Variants in GTF2E1 observed in about 807,000 individuals in gnomAD.
GTF2E1 encodes the protein TFIIE alpha subunit.
In GTF2E1, 14 loss-of-function variants were observed where a neutral mutation model predicts 34.9. That is an observed-to-expected ratio of 0.40 (90% confidence interval 0.27 to 0.63). The LOEUF is 0.63. Among genes scored for constraint, GTF2E1 ranks in the 20% least tolerant of loss-of-function variants. The probability of loss-of-function intolerance (pLI) is 0.39; values close to 1 mark genes in which losing one functional copy is unlikely to be tolerated. For missense variants in GTF2E1, 469 were observed against 557.7 expected, an observed-to-expected ratio of 0.84 and a Z score of 1.60; for synonymous variants, 188 against 192.9, an observed-to-expected ratio of 0.97 and a Z score of 0.21.
chr3:120,770,765 A>G lies in GTF2E1; in HGVS notation c.486A>G (p.Glu162=), dbSNP rs756037104. The change falls in exon 3 of 5, where the codon GAA becomes GAG. Residue 162 remains glutamate, a synonymous_variant. Transcript: ENST00000283875. ...FRCTFCHTEV[E]EDESAMPKKD... Reference sequence around the variant, plus strand: ...GTACTTTTTGCCATACAGAGGTAGAAGAGGATGAATCAGCAATGCCCAAAA... The same window carrying G: ...GTACTTTTTGCCATACAGAGGTAGAGGAGGATGAATCAGCAATGCCCAAAA... 1.9e-6 allele frequency: 3 copies of G among 1,613,668 alleles called. No homozygotes were observed. Among genetic ancestry groups the G allele is most frequent in the African/African-American group, 2.7e-5 (2 of 75,008 alleles).
intron 1 of GTF2E1, among the ~76,000 whole-genome samples, chr3:120,744,045 A>G (rs1049628921): frequency 1.3e-5 from 2 of 151,796 alleles, no homozygotes; most frequent in African/African-American, 2.4e-5. Flanking sequence ...GACCAGCCAT[A>G]CTCCTTCCCT....
intron 3 of GTF2E1, among the ~76,000 whole-genome samples, chr3:120,774,286 G>A (rs1221164824): frequency 6.6e-6 from 1 of 152,170 alleles, no homozygotes; most frequent in Non-Finnish European, 1.5e-5. Flanking sequence ...AGGAGTCAGA[G>A]AGACAAATGG....
At chr3:120,758,086 G>T (rs566401045) in intron 2 of GTF2E1, among the ~76,000 whole-genome samples, 10 of 152,234 alleles carry the variant, frequency 6.6e-5, no homozygotes, top group Admixed American at 5.2e-4. Flanking sequence ...CTTGAACCTC[G>T]GAGGCAGAGG....
intron 3 of GTF2E1, 54 bp downstream of exon 3, chr3:120,770,983 T>A (rs1709346306): frequency 7.1e-7 from 1 of 1,402,130 alleles, no homozygotes; most frequent in Non-Finnish European, 1.0e-6. Flanking sequence ...TGTTCTTGTT[T>A]TAACTACCTG....
chr3:120,746,598 A>T (rs957060418), intron 1 of GTF2E1, among the ~76,000 whole-genome samples: 1 of 152,046 alleles, frequency 6.6e-6, no homozygotes, highest in African/African-American at 2.4e-5. Flanking sequence ...CAGAAGTTCG[A>T]GACCAGCCTG....
rs186444035 is a variant in GTF2E1 at position 120,750,575 on chromosome 3, C to T, written c.23C>T (p.Thr8Ile). 6.8e-6 allele frequency: 11 copies of T among 1,611,748 alleles called. No individual in the cohort carries two copies. In the Admixed American group the frequency reaches 1.5e-4, roughly 22 times the overall value. Residue 8 changes from threonine to isoleucine, a missense_variant, in exon 2 of 5, where the codon ACT becomes ATT. By Grantham distance (89) the Thr-to-Ile change is moderately conservative. Transcript: ENST00000283875. MADPDVL[T>I]EVPAALKRLA... ...AAGATGGCAGACCCAGATGTCCTCA[C>T]TGAAGTTCCAGCAGCATTGAAGCGG...
intron 2 of GTF2E1, among the ~76,000 whole-genome samples, chr3:120,764,746 C>G (rs1709292580): frequency 6.6e-6 from 1 of 152,136 alleles, no homozygotes; most frequent in South Asian, 2.1e-4. Flanking sequence ...ACTTGTCAAA[C>G]TCAAGAGAAT....
chr3:120,759,938 A>T (rs1576358671), intron 2 of GTF2E1, among the ~76,000 whole-genome samples: 1 of 152,154 alleles, frequency 6.6e-6, no homozygotes, highest in African/African-American at 2.4e-5. Context: ...TTTTGGTTCC[A>T]TGTGAACTTT....
intron 1 of GTF2E1, among the ~76,000 whole-genome samples, chr3:120,748,936 G>T (rs1326362142): frequency 6.6e-6 from 1 of 152,184 alleles, no homozygotes; most frequent in Non-Finnish European, 1.5e-5. Context: ...TTGAGCAGTG[G>T]TTTGTAGTTG....
At chr3:120,766,492 T>C (rs1293318179) in intron 2 of GTF2E1, among the ~76,000 whole-genome samples, 1 of 152,048 alleles carries the variant, frequency 6.6e-6, no homozygotes, top group Non-Finnish European at 1.5e-5. Context: ...GATAACTGTT[T>C]TCCTATCAGA....
intron 2 of GTF2E1, among the ~76,000 whole-genome samples, chr3:120,755,917 C>G (rs1051708626): frequency 6.6e-6 from 1 of 152,106 alleles, no homozygotes; most frequent in African/African-American, 2.4e-5. Context: ...TTTCCAGTTC[C>G]GTCTATGTTG....
intron 2 of GTF2E1, among the ~76,000 whole-genome samples, chr3:120,758,426 A>AT (rs1282606817): frequency 6.6e-6 from 1 of 151,838 alleles, no homozygotes; most frequent in Non-Finnish European, 1.5e-5. Context: ...TTTAAATTTT[A>AT]TTTTTTTATT....
chr3:120,774,649 A>G lies in GTF2E1; in HGVS notation c.651-1774A>G, dbSNP rs941176116. The stretch of plus-strand genomic sequence containing the variant: ...AGAATATAGCAAAAAAAAAAAAAAA[A>G]TAGATGGATTGGATATATTTACAGA... On this transcript the variant is annotated intron_variant, in intron 3 of 4. Coordinates refer to ENST00000283875, the MANE Select transcript of GTF2E1 (RefSeq NM_005513.3). Among the ~76,000 whole-genome samples, 3 of 142,996 alleles carry G rather than the reference A, an allele frequency of 2.1e-5. No individual in the cohort carries two copies. The Admixed American group carries it at 2.1e-4, about 10-fold the overall frequency. The allele number at this position is 142,996 out of a possible 152,430, so 93.8% of individuals were successfully genotyped here.
chr3:120,763,139 A>C (rs1206352133), intron 2 of GTF2E1, among the ~76,000 whole-genome samples: 1 of 152,166 alleles, frequency 6.6e-6, no homozygotes, highest in African/African-American at 2.4e-5. Flanking sequence ...TCTATTGGCT[A>C]TCGTCTTTTA....
At chr3:120,763,445 G>T (rs1709281647) in intron 2 of GTF2E1, among the ~76,000 whole-genome samples, 1 of 152,118 alleles carries the variant, frequency 6.6e-6, no homozygotes, top group Non-Finnish European at 1.5e-5. Context: ...AGGGGAAAAC[G>T]GTGTCTAAAT....
rs768787062 is a variant in GTF2E1 at position 120,781,272 on chromosome 3, G to C, written c.1122G>C (p.Val374=). The C allele has an allele frequency of 1.2e-6, 2 of 1,614,156 alleles. No homozygotes were observed. The highest frequency in any genetic ancestry group is 1.7e-6 in the Non-Finnish European group (2 of 1,180,000). The change falls in exon 5 of 5, where the codon GTG becomes GTC. Residue 374 remains valine, a synonymous_variant. Coordinates refer to ENST00000283875, the MANE Select transcript of GTF2E1 (RefSeq NM_005513.3). ...DSPPRPAAVA[V]HKREEDEEED... is the part of the protein sequence containing the mutation. ...CACCCCGTCCGGCAGCTGTGGCTGT[G>C]CATAAACGAGAAGAGGATGAAGAGG...
At position 120,750,786 on chromosome 3, in the gene GTF2E1, A is replaced by G. The variant is rs141149409; in HGVS notation, c.234A>G (p.Val78=). The change falls in exon 2 of 5, where the codon GTA becomes GTG. Residue 78 remains valine (V), a synonymous_variant. Coordinates refer to ENST00000283875, the MANE Select transcript of GTF2E1 (RefSeq NM_005513.3). ...AGTTTATCAAATGCAGAATGAGGGT[A>G]GAGACTGCTGCAGACGGGAAAACCA... ...GDKFIKCRMR[V]ETAADGKTTR... 1.2e-6 allele frequency: 2 copies of G among 1,613,894 alleles called. No homozygotes were observed. The highest frequency in any genetic ancestry group is 1.1e-5 in the South Asian group (1 of 91,080).
intron 2 of GTF2E1, among the ~76,000 whole-genome samples, chr3:120,756,048 T>C (rs1443974858): frequency 6.6e-6 from 1 of 152,248 alleles, no homozygotes; most frequent in Non-Finnish European, 1.5e-5. Flanking sequence ...ATCTTAGCTA[T>C]TGTGAACAGT....
At chr3:120,764,392 C>T (rs1709289797) in intron 2 of GTF2E1, among the ~76,000 whole-genome samples, 2 of 152,214 alleles carry the variant, frequency 1.3e-5, no homozygotes, top group South Asian at 4.1e-4. Flanking sequence ...ATTTGATCTT[C>T]CCTGTTTCCT....
Sources: gnomAD v4.1 joint callset for allele counts (sites outside exome capture counted in the v4.1 genomes callset) on GRCh38, gnomAD v4.1.1 for gene constraint, MANE v1.5 for transcripts, NCBI Gene and HGNC (gene_info 2026-07-23, HGNC 2026-07-21) for gene names.